Variants in SETBP1 observed in about 807,000 individuals in gnomAD.
The protein encoded by SETBP1 is SET-binding protein.
In SETBP1, 9 loss-of-function variants were observed where a neutral mutation model predicts 101.0. The observed-to-expected ratio is 0.09, with a 90% CI of 0.05 to 0.16. The LOEUF is 0.16. Among genes scored for constraint, SETBP1 ranks in the 10% least tolerant of loss-of-function variants. The pLI is 1.00. For missense variants in SETBP1, 1,858 were observed against 2,033.8 expected (o/e 0.91, Z 1.66); for synonymous variants, 818 against 788.5 (o/e 1.04, Z -0.63).
At chr18:44,841,134 C>T (rs1046747704) in intron 2 of SETBP1, among the ~76,000 whole-genome samples, 14 of 152,126 alleles carry the variant, frequency 9.2e-5, no homozygotes, top group South Asian at 2.1e-4. Flanking sequence ...TAGGTCATTC[C>T]GGCTCATGGT....
intron 3 of SETBP1, among the ~76,000 whole-genome samples, chr18:44,943,830 CT>C (rs777302426): frequency 3.4e-5 from 4 of 117,490 alleles, no homozygotes; most frequent in South Asian, 3.2e-4. Flanking sequence ...TTTCTTTTTT[CT>C]TTTTTTTTCT....
rs568029382 is a variant in SETBP1 at position 44,836,759 on chromosome 18, G to C, written c.487-32471G>C. Among the ~76,000 whole-genome samples the C allele has an allele frequency of 3.3e-5, 5 of 152,328 alleles. No homozygotes were observed. The South Asian group carries it at 1.0e-3, about 32-fold the overall frequency. On this transcript the variant is annotated intron_variant, in intron 2 of 5. Transcript: ENST00000649279. ...CCGAGGACTGGGGCAGTATGGGACA[G>C]GTGTTTGTCCTTGGTTCTTCCAGCT...
rs752473883 is a variant in SETBP1 at position 44,950,213 on chromosome 18, A to G, written c.873A>G (p.Pro291=). ...NKDLLLGGVA[P]SPSSHSSPAP... ...ATCTGCTCTTGGGAGGTGTGGCTCC[A>G]TCCCCAAGCAGCCACAGCTCACCAG... Residue 291 remains proline (P), a synonymous_variant, in exon 4 of 6, where the codon CCA becomes CCG. Coordinates refer to ENST00000649279, the MANE Select transcript of SETBP1 (RefSeq NM_015559.3). 1 of 1,613,894 alleles carries G rather than the reference A, an allele frequency of 6.2e-7. No homozygotes were observed. Among genetic ancestry groups the G allele is most frequent in the Non-Finnish European group, 8.5e-7 (1 of 1,179,998 alleles).
chr18:44,969,412 G>A (rs1291926220), intron 4 of SETBP1, among the ~76,000 whole-genome samples: 2 of 152,148 alleles, frequency 1.3e-5, no homozygotes, highest in African/African-American at 4.8e-5. Context: ...TCCAACCCAC[G>A]AACTGTTGGC....
chr18:44,832,012 A>G (rs190821592), intron 2 of SETBP1, among the ~76,000 whole-genome samples: 6 of 152,280 alleles, frequency 3.9e-5, no homozygotes, highest in Non-Finnish European at 8.8e-5. Context: ...TTGGTATTCA[A>G]TAAAGATTTA....
In SETBP1 at chr18:45,067,421, A is replaced by G. The variant is rs1401485565; in HGVS notation, c.*3723A>G. ...TGGGAACTGTCTAAAGTCTACACACATATTTCCAAAGCCTTTAAATACCAA... is the reference window on the plus strand; with the variant it reads ...TGGGAACTGTCTAAAGTCTACACACGTATTTCCAAAGCCTTTAAATACCAA... On this transcript the variant is annotated 3_prime_UTR_variant, in exon 6 of 6. Coordinates refer to ENST00000649279, the MANE Select transcript of SETBP1 (RefSeq NM_015559.3). The G allele has an allele frequency of 6.6e-6, 1 of 152,220 alleles. No homozygotes were observed. The highest frequency in any genetic ancestry group is 1.9e-4 in the East Asian group (1 of 5,200). 9.4% of individuals were successfully genotyped at this position (152,220 alleles called of 1,614,324 possible). A position where few individuals can be genotyped will look rare whatever the true frequency, so the allele number is the denominator to read the frequency against.
chr18:45,049,729 T>C (rs1171918116), intron 5 of SETBP1, among the ~76,000 whole-genome samples: 3 of 152,158 alleles, frequency 2.0e-5, no homozygotes, highest in Non-Finnish European at 4.4e-5. Flanking sequence ...TGGAGCAGAA[T>C]CAAAACAGTG....
intron 2 of SETBP1, among the ~76,000 whole-genome samples, chr18:44,801,882 A>G (rs2071615551): frequency 6.6e-6 from 1 of 151,392 alleles, no homozygotes; most frequent in Admixed American, 6.6e-5. Flanking sequence ...AGACATGCCT[A>G]TAAAGTCATT....
At chr18:44,805,691 T>C (rs1317630112) in intron 2 of SETBP1, among the ~76,000 whole-genome samples, 1 of 152,166 alleles carries the variant, frequency 6.6e-6, no homozygotes, top group Non-Finnish European at 1.5e-5. Context: ...CGTTATTTCC[T>C]TGATGGCAGA....
chr18:44,978,306 G>T (rs183581669), intron 4 of SETBP1, among the ~76,000 whole-genome samples: 96 of 151,798 alleles, frequency 6.3e-4, no homozygotes, highest in African/African-American at 2.2e-3. Context: ...TTTTTATTCC[G>T]ACTGCAGAGT....
chr18:44,966,120 C>T (rs958285743), intron 4 of SETBP1, among the ~76,000 whole-genome samples: 7 of 152,156 alleles, frequency 4.6e-5, no homozygotes, highest in Non-Finnish European at 8.8e-5. Context: ...TCATGGAACG[C>T]CTATGAAGGC....
At chr18:44,706,987 A>G (rs1014896510) in intron 2 of SETBP1, among the ~76,000 whole-genome samples, 2 of 152,240 alleles carry the variant, frequency 1.3e-5, no homozygotes, top group Admixed American at 6.5e-5. Context: ...CTTGAGCTAC[A>G]TGGCAGACCC....
At chr18:45,029,525 G>T (rs1269766585) in intron 4 of SETBP1, among the ~76,000 whole-genome samples, 3 of 152,204 alleles carry the variant, frequency 2.0e-5, no homozygotes, top group Non-Finnish European at 4.4e-5. Context: ...GAACTTTAAA[G>T]TAGTTTTTTC....
At chr18:44,756,495 C>T (rs983364310) in intron 2 of SETBP1, among the ~76,000 whole-genome samples, 6 of 152,284 alleles carry the variant, frequency 3.9e-5, no homozygotes, top group South Asian at 4.1e-4. Context: ...CAGGGCTGGA[C>T]GCAAAGGGCA....
intron 2 of SETBP1, among the ~76,000 whole-genome samples, chr18:44,725,642 G>A (rs1245418289): frequency 1.3e-5 from 2 of 152,052 alleles, no homozygotes; most frequent in African/African-American, 2.4e-5. Context: ...GGGTCATTTT[G>A]CCAATAGGAA....
chr18:44,894,664 A>T (rs2069850478), intron 3 of SETBP1, among the ~76,000 whole-genome samples: 1 of 152,100 alleles, frequency 6.6e-6, no homozygotes, highest in Admixed American at 6.5e-5. Context: ...TTCCACAGTC[A>T]CTTTAGGCAC....
chr18:44,725,103 G>A (rs2069678951), intron 2 of SETBP1, among the ~76,000 whole-genome samples: 1 of 152,110 alleles, frequency 6.6e-6, no homozygotes, highest in Non-Finnish European at 1.5e-5. Context: ...GCTGCCCATA[G>A]AGTTACCATC....
Position 45,063,303 on chromosome 18 carries a change from G to A in SETBP1, c.4396G>A (p.Glu1466Lys). The change falls in exon 6 of 6, where the codon GAG (glutamate) becomes AAG (lysine). Residue 1466 changes from glutamate (E) to lysine (K), a missense_variant. Physicochemically the swap from Glu to Lys is moderately conservative, Grantham distance 56. Coordinates refer to ENST00000649279, the MANE Select transcript of SETBP1 (RefSeq NM_015559.3). ...CAGGAAGCAGCCCACCCAGTTCGATGAGGACTCCAGAGACCAAATGCCGGT... is the reference window on the plus strand; with the variant it reads ...CAGGAAGCAGCCCACCCAGTTCGATAAGGACTCCAGAGACCAAATGCCGGT... ...RPRKQPTQFD[E>K]DSRDQMPVLE... 1 of 1,604,956 alleles carries A rather than the reference G, an allele frequency of 6.2e-7. No individual in the cohort carries two copies. The highest frequency in any genetic ancestry group is 8.5e-7 in the Non-Finnish European group (1 of 1,175,524).
intron 3 of SETBP1, among the ~76,000 whole-genome samples, chr18:44,927,717 C>G (rs1297950771): frequency 6.6e-6 from 1 of 152,082 alleles, no homozygotes; most frequent in Non-Finnish European, 1.5e-5. Flanking sequence ...TTATCAGTGA[C>G]CTCTCCCAGA....
Sources: gnomAD v4.1 joint callset for allele counts (sites outside exome capture counted in the v4.1 genomes callset) on GRCh38, gnomAD v4.1.1 for gene constraint, MANE v1.5 for transcripts, NCBI Gene and HGNC (gene_info 2026-07-23, HGNC 2026-07-21) for gene names.